TTN: variants seen among roughly 807,000 people sequenced by gnomAD.
The protein encoded by TTN is connectin.
Under a neutral mutation model 3,223.0 loss-of-function variants are expected in TTN, and 1,525 were observed. The ratio of observed to expected loss-of-function variants is 0.47; its 90% CI spans 0.45 to 0.49. The LOEUF (loss-of-function observed/expected upper bound fraction) is 0.49. Ranked by LOEUF, TTN falls within the 20% of genes least tolerant of loss-of-function variation. The pLI is 0.00. For synonymous variants in TTN, 14,094 were observed against 15,161.0 expected (o/e 0.93, Z 5.17); for missense variants, 40,786 against 43,424.0 (o/e 0.94, Z 5.40).
chr2:178,712,401 C>T lies in TTN; in HGVS notation c.27521G>A (p.Ser9174Asn). ...EKSAILEIPS[S>N]TVEDAGQYNC... ...GTATTGTCCTGCATCCTCTACTGTG[C>T]TACTTGGAATTTCCAGGATTGCCGA... The change falls in exon 95 of 363, where the codon AGC (serine) becomes AAC (asparagine). Residue 9174 changes from serine to asparagine, a missense_variant. Coordinates refer to ENST00000589042, the MANE Select transcript of TTN (RefSeq NM_001267550.2). The T allele has an allele frequency of 6.2e-7, 1 of 1,613,806 alleles. No homozygotes were observed. The highest frequency in any genetic ancestry group is 8.5e-7 in the Non-Finnish European group (1 of 1,179,812).
intron 92 of TTN, 147 bp from the exon 93 acceptor site, chr2:178,713,519 T>C (rs915631243): frequency 8.0e-7 from 1 of 1,249,960 alleles, no homozygotes; most frequent in Non-Finnish European, 1.1e-6. Context: ...AAAACTCCTC[T>C]ATGGGTTCAC....
intron 47 of TTN, chr2:178,749,674 A>T (rs2084840404): frequency 6.2e-7 from 1 of 1,612,938 alleles, no homozygotes; most frequent in African/African-American, 1.3e-5. Context: ...GATCTGAAAC[A>T]CTTTCAACTG....
chr2:178,783,818 C>A, intron 16 of TTN, 33 bp from the exon 17 acceptor site: 1 of 1,579,170 alleles, frequency 6.3e-7, no homozygotes, highest in East Asian at 2.2e-5. Context: ...ACAAAATGCT[C>A]ATGAAATTAA....
intron 156 of TTN, 45 bp from the exon 157 acceptor site, chr2:178,670,340 AT>A (rs1229236673): frequency 8.5e-7 from 1 of 1,172,122 alleles, no homozygotes; most frequent in Non-Finnish European, 1.1e-6. Flanking sequence ...TAAATATACA[AT>A]TTTTTAACAA....
At chr2:178,717,894 T>C (rs373168030) in intron 86 of TTN, 49 bp downstream of exon 86, 3 of 1,576,294 alleles carry the variant, frequency 1.9e-6, no homozygotes, top group Non-Finnish European at 2.6e-6. Flanking sequence ...TTTAACGTTT[T>C]TAAGAAAATG....
chr2:178,732,844 C>G lies in TTN; in HGVS notation c.16332G>C (p.Leu5444=). ...AAGTCTCCAGCCAACCTTGCACAAT[C>G]AGGGCTCCACTGCTGTCTTTGCTTC... ...SVGSKDSSGA[L]IVQEPPSFVT... is the part of the protein sequence containing the mutation. The change falls in exon 55 of 363, where the codon CTG becomes CTC. Residue 5444 remains leucine (L), a synonymous_variant. Transcript: ENST00000589042. 1.2e-6 allele frequency: 2 copies of G among 1,609,334 alleles called. No individual in the cohort carries two copies. Among genetic ancestry groups the G allele is most frequent in the South Asian group, 2.2e-5 (2 of 90,568 alleles).
Position 178,702,229 on chromosome 2 carries a change from G to T in TTN, c.30450C>A (p.Ile10150=), listed in dbSNP as rs761922521. 9.9e-6 allele frequency: 16 copies of T among 1,613,836 alleles called. No individual in the cohort carries two copies. The South Asian group carries it at 1.8e-4, about 18-fold the overall frequency. ...TPDDEGVYSV[I]ARLEPRGEAR... Reference sequence around the variant, plus strand: ...CTTCACCTCTTGGCTCCAGCCGAGCGATGACCGAGTAGACACCTAGGGTGA... The same window carrying T: ...CTTCACCTCTTGGCTCCAGCCGAGCTATGACCGAGTAGACACCTAGGGTGA... Residue 10150 remains isoleucine, a synonymous_variant, in exon 108 of 363, where the codon ATC becomes ATA. Transcript: ENST00000589042.
At position 178,701,128 on chromosome 2, in the gene TTN, C is replaced by T. The variant is rs375545238; in HGVS notation, c.30674G>A (p.Arg10225His). 5.0e-6 allele frequency: 8 copies of T among 1,613,422 alleles called. No individual in the cohort carries two copies. The highest frequency in any genetic ancestry group is 5.1e-6 in the Non-Finnish European group (6 of 1,179,656). Residue 10225 changes from arginine (R) to histidine (H), a missense_variant, in exon 111 of 363, where the codon CGT (arginine) becomes CAT (histidine). Arg to His is a conservative substitution (Grantham distance 29). Coordinates refer to ENST00000589042, the MANE Select transcript of TTN (RefSeq NM_001267550.2). Reference protein sequence around the residue: ...TPEEKKPPPKRIEVTKKAVKK... With the variant: ...TPEEKKPPPKHIEVTKKAVKK... Reference sequence around the variant, plus strand: ...TAGATGAGGTATAATACCTTCAATACGTTTTGGTGGTGGTTTCTTTTCTTC... The same window carrying T: ...TAGATGAGGTATAATACCTTCAATATGTTTTGGTGGTGGTTTCTTTTCTTC...
Position 178,724,156 on chromosome 2 carries a change from A to G in TTN, c.21116-13T>C, listed in dbSNP as rs1210088387. On this transcript the variant is annotated splice_polypyrimidine_tract_variant and intron_variant, in intron 72 of 362. Coordinates refer to ENST00000589042, the MANE Select transcript of TTN (RefSeq NM_001267550.2). ...GGAACTGCTCGGTCTGTGTGAGGAAAGGTAAGAGACTCATCATGATTTGAA... is the reference window on the plus strand; with the variant it reads ...GGAACTGCTCGGTCTGTGTGAGGAAGGGTAAGAGACTCATCATGATTTGAA... 1 of 1,604,890 alleles carries G rather than the reference A, an allele frequency of 6.2e-7. No homozygotes were observed. Among genetic ancestry groups the G allele is most frequent in the South Asian group, 1.1e-5 (1 of 89,750 alleles).
chr2:178,594,297 C>G (rs772803072), intron 296 of TTN, 47 bp downstream of exon 296: 96 of 1,592,650 alleles, frequency 6.0e-5, no homozygotes, highest in Non-Finnish European at 8.1e-5. Flanking sequence ...TATTACAAAT[C>G]TACAAATGTG....
rs1199445121 is a variant in TTN at position 178,578,799 on chromosome 2, C to T, written c.68224+7G>A. The T allele has an allele frequency of 6.2e-7, 1 of 1,609,216 alleles. No individual in the cohort carries two copies. The highest frequency in any genetic ancestry group is 8.5e-7 in the Non-Finnish European group (1 of 1,177,612). On this transcript the variant is annotated splice_region_variant and intron_variant, in intron 320 of 362. Transcript: ENST00000589042. ...TGCTTTACGTCTTCTGAATTTAAGA[C>T]ACTTACCAAATGGATGTCTCGCAAC...
At chr2:178,615,819 T>G (rs757596599) in intron 257 of TTN, 31 bp from the exon 258 acceptor site, 1 of 1,580,646 alleles carries the variant, frequency 6.3e-7, no homozygotes, top group Non-Finnish European at 8.6e-7. Context: ...TAATCAGTTA[T>G]TTCCAAAAAA....
At position 178,781,234 on chromosome 2, in the gene TTN, C is replaced by G; in HGVS notation, c.3410G>C (p.Gly1137Ala). 2 of 1,614,026 alleles carry G rather than the reference C, an allele frequency of 1.2e-6. No homozygotes were observed. Among genetic ancestry groups the G allele is most frequent in the Non-Finnish European group, 1.7e-6 (2 of 1,179,958 alleles). The stretch of plus-strand genomic sequence containing the variant: ...CATAGAAATCACCAGCTTGCATTCA[C>G]CGGTTTGTTTGTTGTAACTCACTTT... ...RYKVSYNKQT[G>A]ECKLVISMTF... Residue 1137 changes from glycine (G) to alanine (A), a missense_variant, in exon 21 of 363, where the codon GGT becomes GCT. Gly to Ala is a moderately conservative substitution (Grantham distance 60). Transcript: ENST00000589042.
At position 178,572,286 on chromosome 2, in the gene TTN, G is replaced by A. The variant is rs794729284; in HGVS notation, c.73846C>T (p.Arg24616Ter). ...ETAESVKASE[R>*]PLPPGKITLM... ...GTTATTTTTCCTGGAGGAAGAGGTC[G>A]TTCTGATGCTTTCACAGATTCTGCG... Residue 24616 changes from arginine (R) to a stop codon, truncating the protein, a stop_gained, in exon 326 of 363, where the codon CGA becomes TGA. Coordinates refer to ENST00000589042, the MANE Select transcript of TTN (RefSeq NM_001267550.2). LOFTEE classifies it high-confidence loss of function. The A allele has an allele frequency of 1.9e-6, 3 of 1,612,456 alleles. No homozygotes were observed. The highest frequency in any genetic ancestry group is 1.1e-5 in the South Asian group (1 of 91,030).
At chr2:178,765,477 T>G (rs745378313) in intron 41 of TTN, among the ~76,000 whole-genome samples, 8 of 152,184 alleles carry the variant, frequency 5.3e-5, no homozygotes, top group Non-Finnish European at 1.0e-4. Context: ...TGAGGCTGGT[T>G]TCTGACACTA....
chr2:178,706,812 G>C (rs2154292563), intron 101 of TTN, 50 bp downstream of exon 101: 1 of 1,601,084 alleles, frequency 6.2e-7, no homozygotes, highest in Non-Finnish European at 8.5e-7. Context: ...TAAATCATAA[G>C]TAAAAGGTAT....
rs777418071 is a variant in TTN, at chr2:178,579,980, A to G, written c.67307T>C (p.Ile22436Thr). Residue 22436 changes from isoleucine to threonine, a missense_variant, in exon 318 of 363, where the codon ATT becomes ACT. Physicochemically the swap from Ile to Thr is moderately conservative, Grantham distance 89 (BLOSUM62 -1). Transcript: ENST00000589042. Reference protein sequence around the residue: ...FRVFAENEYGIGDPGETRDAV... With the variant: ...FRVFAENEYGTGDPGETRDAV... ...ATCACGAGTTTCACCGGGATCACCA[A>G]TGCCATACTCATTTTCAGCAAACAC... 18 of 1,613,304 alleles carry G rather than the reference A, an allele frequency of 1.1e-5. No homozygotes were observed. Among genetic ancestry groups the G allele is most frequent in the South Asian group, 3.3e-5 (3 of 91,070 alleles).
intron 282 of TTN, among the ~76,000 whole-genome samples, chr2:178,603,089 A>G (rs138770180): frequency 6.9e-4 from 105 of 152,136 alleles, no homozygotes; most frequent in African/African-American, 2.5e-3. Context: ...AAAGTGCTTT[A>G]CAATTACAGA....
Position 178,530,027 on chromosome 2 carries a change from T to G in TTN, c.106464A>C (p.Gly35488=). 2 of 1,610,160 alleles carry G rather than the reference T, an allele frequency of 1.2e-6. No homozygotes were observed. The highest frequency in any genetic ancestry group is 1.7e-6 in the Non-Finnish European group (2 of 1,178,976). The change falls in exon 359 of 363, where the codon GGA becomes GGC. Residue 35488 remains glycine (G), a synonymous_variant. Transcript: ENST00000589042. Reference sequence around the variant, plus strand: ...AATTTTTTACTGTACAAGTATAAAGTCCACTGTCAGAAGTATCAGTCTTAT... The same window carrying G: ...AATTTTTTACTGTACAAGTATAAAGGCCACTGTCAGAAGTATCAGTCTTAT... The part of the protein sequence containing the change: ...EIHKTDTSDS[G]LYTCTVKNSA...
Sources: gnomAD v4.1 joint callset for allele counts (sites outside exome capture counted in the v4.1 genomes callset) on GRCh38, gnomAD v4.1.1 for gene constraint, MANE v1.5 for transcripts, NCBI Gene and HGNC (gene_info 2026-07-23, HGNC 2026-07-21) for gene names.